ERBB4: variants seen among roughly 807,000 people sequenced by gnomAD.
ERBB4 encodes receptor tyrosine-protein kinase erbB-4.
In ERBB4, 42 loss-of-function variants were observed where a neutral mutation model predicts 158.0. The observed-to-expected ratio is 0.27, with a 90% CI of 0.21 to 0.34. The LOEUF (loss-of-function observed/expected upper bound fraction) is 0.34, where lower values mean the gene tolerates loss of function less well. Among genes scored for constraint, ERBB4 ranks in the 10% least tolerant of loss-of-function variants. The pLI, the probability that ERBB4 is intolerant of heterozygous loss-of-function variation, is 1.00. For missense variants in ERBB4, 1,333 were observed against 1,624.1 expected (o/e 0.82, Z 3.08); for synonymous variants, 583 against 558.7 (o/e 1.04, Z -0.61).
intron 2 of ERBB4, among the ~76,000 whole-genome samples, chr2:211,981,827 C>T (rs1457764962): frequency 2.0e-5 from 3 of 152,164 alleles, no homozygotes; most frequent in Non-Finnish European, 4.4e-5. Context: ...CATGAGCTCT[C>T]TCAGATTTTG....
chr2:211,718,598 T>A (rs2073997739), intron 7 of ERBB4, among the ~76,000 whole-genome samples: 1 of 152,158 alleles, frequency 6.6e-6, no homozygotes, highest in Non-Finnish European at 1.5e-5. Flanking sequence ...AACAAAGGCA[T>A]CACTATCTCA....
intron 3 of ERBB4, among the ~76,000 whole-genome samples, chr2:211,923,934 C>T (rs1230442191): frequency 6.6e-6 from 1 of 152,102 alleles, no homozygotes; most frequent in East Asian, 1.9e-4. Flanking sequence ...GTTGATCAGG[C>T]TGGTCTCGAA....
At position 211,679,189 on chromosome 2, in the gene ERBB4, G is replaced by C. The variant is rs1484990292; in HGVS notation, c.1490-5C>G. ...TGCACACCATTCCTTCAGCAGCTGT[G>C]AAACACCAAAATCAAGGGGAAATAA... On this transcript the variant is annotated splice_polypyrimidine_tract_variant and splice_region_variant and intron_variant, in intron 12 of 27. Transcript: ENST00000342788. 6.2e-7 allele frequency: 1 copy of C among 1,613,416 alleles called. No individual in the cohort carries two copies. Among genetic ancestry groups the C allele is most frequent in the East Asian group, 2.2e-5 (1 of 44,844 alleles).
intron 1 of ERBB4, among the ~76,000 whole-genome samples, chr2:212,446,626 T>TAGG (rs1299001389): frequency 4.7e-5 from 4 of 84,322 alleles, no homozygotes; most frequent in African/African-American, 1.7e-4. Context: ...TATATATATA[T>TAGG]ATATATATAT....
At chr2:212,003,227 A>T in intron 2 of ERBB4, among the ~76,000 whole-genome samples, 1 of 119,496 alleles carries the variant, frequency 8.4e-6, no homozygotes, top group African/African-American at 2.9e-5. Flanking sequence ...GAAGGAAGGA[A>T]GGAAGGAAGG....
Position 211,517,951 on chromosome 2 carries a change from C to T in ERBB4, c.2487+43952G>A, listed in dbSNP as rs1164091038. Among the ~76,000 whole-genome samples, 7 of 152,182 alleles carry T rather than the reference C, an allele frequency of 4.6e-5. No homozygotes were observed. The East Asian group carries it at 7.8e-4, about 17-fold the overall frequency. On this transcript the variant is annotated intron_variant, in intron 20 of 27. Transcript: ENST00000342788. Reference sequence around the variant, plus strand: ...TCAAAATAGTTTTCCATGAGATCCTCGTCACTTTGCCATCACTTCATTTCT... The same window carrying T: ...TCAAAATAGTTTTCCATGAGATCCTTGTCACTTTGCCATCACTTCATTTCT...
intron 20 of ERBB4, among the ~76,000 whole-genome samples, chr2:211,512,672 A>G (rs2065911700): frequency 6.6e-6 from 1 of 152,080 alleles, no homozygotes; most frequent in East Asian, 1.9e-4. Flanking sequence ...TTTCATTTCT[A>G]TGTCTTTAAA....
chr2:212,327,306 T>C (rs1013006937), intron 1 of ERBB4, among the ~76,000 whole-genome samples: 2 of 151,998 alleles, frequency 1.3e-5, no homozygotes, highest in African/African-American at 4.8e-5. Flanking sequence ...TATAGATGAG[T>C]AAATTATGAA....
At chr2:211,764,870 A>C (rs73985850) in intron 4 of ERBB4, among the ~76,000 whole-genome samples, 4,296 of 152,280 alleles carry the variant, frequency 0.028, 211 homozygotes, top group African/African-American at 0.099. Context: ...TTAGGAGGAC[A>C]GGAATCCATT....
At chr2:211,539,267 G>A (rs371850045) in intron 20 of ERBB4, among the ~76,000 whole-genome samples, 1 of 151,888 alleles carries the variant, frequency 6.6e-6, no homozygotes, top group African/African-American at 2.4e-5. Flanking sequence ...CTATTTGGTA[G>A]TATTATTAGT....
At chr2:212,189,715 C>T (rs2082130537) in intron 1 of ERBB4, among the ~76,000 whole-genome samples, 1 of 152,178 alleles carries the variant, frequency 6.6e-6, no homozygotes, top group Admixed American at 6.5e-5. Context: ...ATGGTTTATT[C>T]TCTTATTACA....
At chr2:212,360,528 T>C (rs758250048) in intron 1 of ERBB4, among the ~76,000 whole-genome samples, 10 of 151,668 alleles carry the variant, frequency 6.6e-5, no homozygotes, top group Non-Finnish European at 1.2e-4. Flanking sequence ...TGTAGCAACT[T>C]TTTTATTAGA....
intron 1 of ERBB4, among the ~76,000 whole-genome samples, chr2:212,285,831 A>G (rs576067481): frequency 1.3e-5 from 2 of 152,310 alleles, no homozygotes; most frequent in African/African-American, 2.4e-5. Flanking sequence ...ATATAACTCT[A>G]GACTCTCTAA....
chr2:212,408,286 C>G (rs2091405756), intron 1 of ERBB4, among the ~76,000 whole-genome samples: 1 of 152,062 alleles, frequency 6.6e-6, no homozygotes, highest in Non-Finnish European at 1.5e-5. Context: ...GTTCCCCTCC[C>G]TGTGTCCATG....
Position 211,386,884 on chromosome 2 carries a change from G to A in ERBB4, c.3450C>T (p.Tyr1150=). ...SPRGELDEEG[Y]MTPMRDKPKQ... ...TGGGTTTGTCTCGCATAGGAGTCAT[G>A]TAACCTTCCTCATCCAGCTCTCCTC... The change falls in exon 27 of 28, where the codon TAC becomes TAT. Residue 1150 remains tyrosine (Y), a synonymous_variant. Transcript: ENST00000342788. 6.2e-7 allele frequency: 1 copy of A among 1,614,202 alleles called. No homozygotes were observed. Among genetic ancestry groups the A allele is most frequent in the Non-Finnish European group, 8.5e-7 (1 of 1,180,014 alleles).
At position 211,759,341 on chromosome 2, in the gene ERBB4, A is replaced by G. The variant is rs530444328; in HGVS notation, c.557-8637T>C. Among the ~76,000 whole-genome samples, 73 of 152,194 alleles carry G rather than the reference A, an allele frequency of 4.8e-4. 1 individual carries two copies. In the South Asian group the frequency reaches 8.5e-3, roughly 18 times the overall value. ...CTGGCCCCTTTACAATCTCTTCTCA[A>G]TATATTAGCCAGAGCGATCTTTTTA... is the stretch of plus-strand genomic sequence containing the variant. On this transcript the variant is annotated intron_variant, in intron 4 of 27. Coordinates refer to ENST00000342788, the MANE Select transcript of ERBB4 (RefSeq NM_005235.3).
rs879047879 is a variant in ERBB4, at chr2:211,722,454, T to C, written c.822A>G (p.Gln274=). The C allele has an allele frequency of 3.1e-6, 5 of 1,613,702 alleles. No homozygotes were observed. The African/African-American group carries it at 4.0e-5, about 13-fold the overall frequency. ...QTFVYNPTTF[Q]LEHNFNAKYT... ...ACTTTGCATTGAAATTGTGCTCCAG[T>C]TGAAAGGTGGTTGGATTGTAGACAA... is the stretch of plus-strand genomic sequence containing the variant. The change falls in exon 7 of 28, where the codon CAA becomes CAG. Residue 274 remains glutamine, a synonymous_variant. Transcript: ENST00000342788.
chr2:211,985,817 A>G (rs2081923453), intron 2 of ERBB4, among the ~76,000 whole-genome samples: 1 of 152,144 alleles, frequency 6.6e-6, no homozygotes, highest in African/African-American at 2.4e-5. Flanking sequence ...AGAAAATTGA[A>G]AATACTACTA....
chr2:212,286,021 G>A (rs573570583), intron 1 of ERBB4, among the ~76,000 whole-genome samples: 1 of 151,904 alleles, frequency 6.6e-6, no homozygotes, highest in Non-Finnish European at 1.5e-5. Context: ...ACATTTATTC[G>A]ACACAGATAT....
Sources: allele counts gnomAD v4.1 joint callset (sites outside exome capture counted in the v4.1 genomes callset), GRCh38; gene constraint gnomAD v4.1.1; transcripts MANE v1.5; gene names NCBI Gene and HGNC (gene_info 2026-07-23, HGNC 2026-07-21).